Variants in PRKN observed in about 807,000 individuals in gnomAD.
The protein encoded by PRKN is parkin RBR E3 ubiquitin protein ligase.
PRKN carries 56 observed loss-of-function variants against 59.5 expected under a neutral mutation model. The ratio of observed to expected loss-of-function variants is 0.94; its 90% confidence interval spans 0.76 to 1.18. PRKN has a LOEUF of 1.18. Ranked by LOEUF, PRKN falls within the 50% of genes most tolerant of loss-of-function variation. PRKN has a pLI of 0.00. For synonymous variants in PRKN, 250 were observed against 222.1 expected, an observed-to-expected ratio of 1.13 and a Z score of -1.12; for missense variants, 657 against 596.4, an observed-to-expected ratio of 1.10 and a Z score of -1.06.
intron 4 of PRKN, among the ~76,000 whole-genome samples, chr6:162,083,937 GGAAT>G (rs1779158752): frequency 6.6e-6 from 1 of 151,908 alleles, no homozygotes; most frequent in Non-Finnish European, 1.5e-5. Flanking sequence ...ATGTTAAGAA[GGAAT>G]GGTTACTAGA....
At chr6:161,849,007 G>A (rs996759001) in intron 6 of PRKN, among the ~76,000 whole-genome samples, 2 of 152,148 alleles carry the variant, frequency 1.3e-5, no homozygotes. Flanking sequence ...GTTCCCAAAG[G>A]AAAATGACTC....
At chr6:161,838,764 G>T (rs1396402398) in intron 6 of PRKN, among the ~76,000 whole-genome samples, 1 of 152,194 alleles carries the variant, frequency 6.6e-6, no homozygotes, top group Non-Finnish European at 1.5e-5. Flanking sequence ...GGGAGCGCTG[G>T]TCTCTGCACA....
In PRKN at chr6:161,419,570, A is replaced by T. The variant is rs1787996792; in HGVS notation, c.1084-32693T>A. ...GCCTGGCTAATTTTTGTATTTTTTT[A>T]AAAAACGGGGTTTCACCATGTTGAC... On this transcript the variant is annotated intron_variant, in intron 9 of 11. Transcript: ENST00000366898. The surrounding 1 kb of genome is among the most constrained non-coding windows in gnomAD (Gnocchi z 4.1). 6.6e-6 allele frequency among the ~76,000 whole-genome samples: 1 copy of T among 150,618 alleles called. No homozygotes were observed. Among genetic ancestry groups the T allele is most frequent in the Non-Finnish European group, 1.5e-5 (1 of 67,636 alleles).
intron 5 of PRKN, among the ~76,000 whole-genome samples, chr6:162,018,508 A>C (rs1783014777): frequency 6.6e-6 from 1 of 152,182 alleles, no homozygotes; most frequent in South Asian, 2.1e-4. Context: ...CAAGAAAAGC[A>C]TGTTTTTATT....
chr6:162,355,787 C>T (rs1784833977), intron 2 of PRKN, among the ~76,000 whole-genome samples: 1 of 151,748 alleles, frequency 6.6e-6, no homozygotes, highest in Non-Finnish European at 1.5e-5. Flanking sequence ...ATAAAGGAAA[C>T]CAAGTCAGGA....
At chr6:162,360,937 ACAG>A (rs1183732627) in intron 2 of PRKN, among the ~76,000 whole-genome samples, 1 of 152,212 alleles carries the variant, frequency 6.6e-6, no homozygotes, top group Non-Finnish European at 1.5e-5. Context: ...TAAATTTTTG[ACAG>A]CTTTGATCTT....
intron 4 of PRKN, among the ~76,000 whole-genome samples, chr6:162,150,599 A>C: frequency 6.6e-6 from 1 of 152,314 alleles, no homozygotes; most frequent in African/African-American, 2.4e-5. Context: ...AAATAAATCC[A>C]GCTCAATTAT....
Position 162,198,649 on chromosome 6 carries a change from C to A in PRKN, c.534+2482G>T, listed in dbSNP as rs1784594700. ...ATTACCAAGTTGGCATAGGTAAGAG[C>A]AAAGGAAGTCAGGATTCTAATGGGG... On this transcript the variant is annotated intron_variant, in intron 4 of 11. Coordinates refer to ENST00000366898, the MANE Select transcript of PRKN (RefSeq NM_004562.3). Among the ~76,000 whole-genome samples, 3 of 151,896 alleles carry A rather than the reference C, an allele frequency of 2.0e-5. No individual in the cohort carries two copies. In the East Asian group the frequency reaches 5.9e-4, roughly 30 times the overall value.
chr6:162,393,583 C>T (rs964225853), intron 2 of PRKN, among the ~76,000 whole-genome samples: 1 of 152,176 alleles, frequency 6.6e-6, no homozygotes, highest in African/African-American at 2.4e-5. Flanking sequence ...TTTACTCTTA[C>T]ATAATACCAC....
chr6:162,172,757 C>T (rs903503084), intron 4 of PRKN, among the ~76,000 whole-genome samples: 4 of 152,108 alleles, frequency 2.6e-5, no homozygotes, highest in African/African-American at 9.7e-5. Context: ...GGAAATGAAT[C>T]TGTCTATACT....
chr6:162,286,598 G>C lies in PRKN; in HGVS notation c.172-23833C>G, dbSNP rs1362095643. On this transcript the variant is annotated intron_variant, in intron 2 of 11. Coordinates refer to ENST00000366898, the MANE Select transcript of PRKN (RefSeq NM_004562.3). Reference sequence around the variant, plus strand: ...AAACAAAATGCTAGATCGCTCTCAAGTAAGAAGAAACTTGTATCACAGTGT... The same window carrying C: ...AAACAAAATGCTAGATCGCTCTCAACTAAGAAGAAACTTGTATCACAGTGT... Among the ~76,000 whole-genome samples, 7 of 152,144 alleles carry C rather than the reference G, an allele frequency of 4.6e-5. No individual in the cohort carries two copies. The East Asian group carries it at 1.3e-3, about 29-fold the overall frequency.
At chr6:162,654,060 CAA>C (rs888601781) in intron 1 of PRKN, among the ~76,000 whole-genome samples, 40 of 152,250 alleles carry the variant, frequency 2.6e-4, no homozygotes, top group African/African-American at 9.6e-4. Context: ...TTGAGCCTAT[CAA>C]AAACCACATG....
chr6:161,745,529 C>A lies in PRKN; in HGVS notation c.871+40243G>T, dbSNP rs991909950. ...ACCTGCGACCAGGGGCACCAAGCAACCTGGGGTCAGGATGCATGCTTTCTC... is the reference window on the plus strand; with the variant it reads ...ACCTGCGACCAGGGGCACCAAGCAAACTGGGGTCAGGATGCATGCTTTCTC... On this transcript the variant is annotated intron_variant, in intron 7 of 11. Coordinates refer to ENST00000366898, the MANE Select transcript of PRKN (RefSeq NM_004562.3). 4.6e-5 allele frequency among the ~76,000 whole-genome samples: 7 copies of A among 152,190 alleles called. No homozygotes were observed. In the East Asian group the frequency reaches 9.6e-4, roughly 21 times the overall value.
intron 5 of PRKN, among the ~76,000 whole-genome samples, chr6:162,028,730 A>G (rs931852662): frequency 4.6e-5 from 7 of 152,194 alleles, no homozygotes; most frequent in African/African-American, 1.7e-4. Flanking sequence ...GCTTGGGAAT[A>G]TTGGGAGCTA....
intron 2 of PRKN, among the ~76,000 whole-genome samples, chr6:162,331,943 G>A (rs1485147690): frequency 6.6e-6 from 1 of 152,110 alleles, no homozygotes; most frequent in Admixed American, 6.5e-5. Context: ...GACTTTTAGT[G>A]GGATGTATTC....
At chr6:162,470,935 T>G (rs1261932692) in intron 1 of PRKN, among the ~76,000 whole-genome samples, 1 of 151,818 alleles carries the variant, frequency 6.6e-6, no homozygotes, top group Non-Finnish European at 1.5e-5. Flanking sequence ...GTATTTTTAG[T>G]AGAGATGGGG....
At chr6:162,587,082 C>G (rs1387654663) in intron 1 of PRKN, among the ~76,000 whole-genome samples, 1 of 152,156 alleles carries the variant, frequency 6.6e-6, no homozygotes, top group Non-Finnish European at 1.5e-5. Context: ...TTTTAACAAA[C>G]ATTTAATTAA....
At chr6:162,450,313 G>A (rs549581643) in intron 1 of PRKN, among the ~76,000 whole-genome samples, 8 of 110,464 alleles carry the variant, frequency 7.2e-5, no homozygotes, top group African/African-American at 4.3e-4. Context: ...GAATATGAAC[G>A]CCCGTGAATG....
At chr6:161,636,230 C>G (rs1236203435) in intron 7 of PRKN, among the ~76,000 whole-genome samples, 1 of 152,258 alleles carries the variant, frequency 6.6e-6, no homozygotes, top group East Asian at 1.9e-4. Context: ...GCCGCATGTC[C>G]ACTGCCCCTG....
Sources: gnomAD v4.1 joint callset for allele counts (sites outside exome capture counted in the v4.1 genomes callset) on GRCh38, gnomAD v4.1.1 for gene constraint, Gnocchi (gnomAD v3.1) non-coding constraint, MANE v1.5 for transcripts, NCBI Gene and HGNC (gene_info 2026-07-23, HGNC 2026-07-21) for gene names.